Variants in ZNF385B observed in about 807,000 individuals in gnomAD.
ZNF385B encodes the protein zinc finger protein 533.
Under a neutral mutation model 39.2 loss-of-function variants are expected in ZNF385B, and 23 were observed. That is an observed-to-expected ratio of 0.59 (90% CI 0.42 to 0.83). The LOEUF is 0.83. ZNF385B is among the 40% of genes least tolerant of loss of function. The pLI, the probability that ZNF385B is intolerant of heterozygous loss-of-function variation, is 0.00. For synonymous variants in ZNF385B, 205 were observed against 222.6 expected (o/e 0.92, Z 0.70); for missense variants, 552 against 598.9 (o/e 0.92, Z 0.82).
chr2:179,851,083 T>G lies in ZNF385B; in HGVS notation c.-155+10018A>C, dbSNP rs71425648. Among the ~76,000 whole-genome samples the G allele has an allele frequency of 9.0e-3, 1,365 of 152,332 alleles. 13 individuals carry two copies. Among genetic ancestry groups the G allele is most frequent in the Non-Finnish European group, 0.013 (883 of 68,034 alleles). On this transcript the variant is annotated intron_variant, in intron 1 of 9. Transcript: ENST00000410066. ...TTGGTTGGTTTTATCATTTTCTGAG[T>G]AGGTCAACCTTTATGTCAATCACCC...
chr2:179,732,213 C>T (rs1701439672), intron 3 of ZNF385B, among the ~76,000 whole-genome samples: 1 of 152,140 alleles, frequency 6.6e-6, no homozygotes, highest in Non-Finnish European at 1.5e-5. Flanking sequence ...AGAATTAGGT[C>T]AACTGATTGT....
chr2:179,590,927 G>C (rs1574921905), intron 3 of ZNF385B, among the ~76,000 whole-genome samples: 1 of 152,104 alleles, frequency 6.6e-6, no homozygotes, highest in Non-Finnish European at 1.5e-5. Context: ...GTCTCAGGTA[G>C]TATCTTTATA....
chr2:179,855,844 T>G (rs1443925201), intron 1 of ZNF385B, among the ~76,000 whole-genome samples: 1 of 152,184 alleles, frequency 6.6e-6, no homozygotes, highest in Admixed American at 6.5e-5. Flanking sequence ...AGGGTCATTA[T>G]CCTATAACCA....
chr2:179,802,663 T>C (rs1353746135), intron 1 of ZNF385B: 1 of 152,130 alleles, frequency 6.6e-6, no homozygotes, highest in Non-Finnish European at 1.5e-5. Context: ...TCTACCATTA[T>C]GTCACCCTCT....
chr2:179,672,584 G>C (rs553109256), intron 3 of ZNF385B, among the ~76,000 whole-genome samples: 2 of 152,244 alleles, frequency 1.3e-5, no homozygotes, highest in Non-Finnish European at 2.9e-5. Context: ...CCCCCAAGGC[G>C]ATGGTATTAG....
At chr2:179,635,592 A>G (rs763058715) in intron 3 of ZNF385B, among the ~76,000 whole-genome samples, 25 of 152,164 alleles carry the variant, frequency 1.6e-4, no homozygotes, top group Non-Finnish European at 3.4e-4. Flanking sequence ...AAGAAAGTGA[A>G]TATTTATTAA....
chr2:179,841,659 AG>A (rs1396824652), intron 1 of ZNF385B, among the ~76,000 whole-genome samples: 1 of 152,130 alleles, frequency 6.6e-6, no homozygotes, highest in Non-Finnish European at 1.5e-5. Context: ...CCCCATCCCC[AG>A]TTGTAACTAC....
chr2:179,508,348 C>T (rs1234147750), intron 5 of ZNF385B, among the ~76,000 whole-genome samples: 1 of 152,112 alleles, frequency 6.6e-6, no homozygotes. Context: ...TATAATGAAA[C>T]ATCTTATTGT....
At chr2:179,504,021 C>T (rs1483456105) in intron 5 of ZNF385B, among the ~76,000 whole-genome samples, 4 of 145,276 alleles carry the variant, frequency 2.8e-5, no homozygotes, top group Non-Finnish European at 5.9e-5. Context: ...TGCTATCCCT[C>T]CCCCCTCTCC....
chr2:179,607,425 G>A (rs1688902015), intron 3 of ZNF385B, among the ~76,000 whole-genome samples: 1 of 152,178 alleles, frequency 6.6e-6, no homozygotes, highest in Non-Finnish European at 1.5e-5. Flanking sequence ...CTGCCAGCAT[G>A]TAAGATGTGC....
At chr2:179,601,011 A>G (rs561641529) in intron 3 of ZNF385B, among the ~76,000 whole-genome samples, 4 of 152,350 alleles carry the variant, frequency 2.6e-5, no homozygotes, top group African/African-American at 9.6e-5. Context: ...AAAGAGGACA[A>G]AGTGAAGGTG....
intron 3 of ZNF385B, among the ~76,000 whole-genome samples, chr2:179,666,993 G>A (rs991967828): frequency 6.6e-6 from 1 of 152,054 alleles, no homozygotes; most frequent in African/African-American, 2.4e-5. Context: ...AAACTCCCAG[G>A]TCTTTATGTG....
chr2:179,771,960 C>T (rs1704038275), intron 1 of ZNF385B, among the ~76,000 whole-genome samples: 1 of 152,092 alleles, frequency 6.6e-6, no homozygotes, highest in African/African-American at 2.4e-5. Flanking sequence ...GAAGCAAGAT[C>T]CTTGACTCAG....
chr2:179,568,615 G>T (rs1684864511), intron 3 of ZNF385B, among the ~76,000 whole-genome samples: 1 of 152,232 alleles, frequency 6.6e-6, no homozygotes, highest in Admixed American at 6.5e-5. Flanking sequence ...AACATTTAAA[G>T]TATGGTGGTA....
intron 1 of ZNF385B, among the ~76,000 whole-genome samples, chr2:179,809,818 A>G (rs1706624744): frequency 6.6e-6 from 1 of 152,072 alleles, no homozygotes; most frequent in Admixed American, 6.5e-5. Flanking sequence ...TTTATTCAGT[A>G]TACCTTAAGA....
rs560613823 is a variant in ZNF385B at position 179,858,361 on chromosome 2, A to G, written c.-155+2740T>C. The stretch of plus-strand genomic sequence containing the variant: ...TGGTAGAGTTGAGGCACATAAGAGC[A>G]ATATAAAGCTGTCTCTTAGGTGGTT... On this transcript the variant is annotated intron_variant, in intron 1 of 9. Coordinates refer to ENST00000410066, the MANE Select transcript of ZNF385B (RefSeq NM_152520.6). Among the ~76,000 whole-genome samples, 28 of 152,324 alleles carry G rather than the reference A, an allele frequency of 1.8e-4. No individual in the cohort carries two copies. The South Asian group carries it at 5.6e-3, about 30-fold the overall frequency.
At chr2:179,578,614 A>T (rs1242298066) in intron 3 of ZNF385B, among the ~76,000 whole-genome samples, 1 of 152,086 alleles carries the variant, frequency 6.6e-6, no homozygotes, top group Non-Finnish European at 1.5e-5. Context: ...AACACAAGTC[A>T]TTTGCATTAT....
intron 3 of ZNF385B, among the ~76,000 whole-genome samples, chr2:179,595,188 GA>G (rs1183940568): frequency 1.3e-5 from 2 of 151,846 alleles, no homozygotes; most frequent in East Asian, 1.9e-4. Context: ...AGATTCAAAG[GA>G]AAAAAATCAT....
At chr2:179,797,353 T>A (rs112992185) in intron 1 of ZNF385B, among the ~76,000 whole-genome samples, 89 of 152,330 alleles carry the variant, frequency 5.8e-4, no homozygotes, top group African/African-American at 2.0e-3. Context: ...TATTTTAGTA[T>A]GTCTCTAAAA....
Sources: gnomAD v4.1 joint callset for allele counts (sites outside exome capture counted in the v4.1 genomes callset) on GRCh38, gnomAD v4.1.1 for gene constraint, MANE v1.5 for transcripts, NCBI Gene and HGNC (gene_info 2026-07-23, HGNC 2026-07-21) for gene names.